Variants in AVPI1 observed in about 807,000 individuals in gnomAD.
The protein encoded by AVPI1 is arginine vasopressin-induced protein 1.
Under a neutral mutation model 11.9 loss-of-function variants are expected in AVPI1, and 9 were observed. The observed-to-expected ratio is 0.76, with a 90% CI of 0.46 to 1.32. The LOEUF (loss-of-function observed/expected upper bound fraction) is 1.32, where lower values mean the gene tolerates loss of function less well. Among genes scored for constraint, AVPI1 ranks in the 40% most tolerant of loss-of-function variants. AVPI1 has a pLI of 0.00. For missense variants in AVPI1, 207 were observed against 195.8 expected, an observed-to-expected ratio of 1.06 and a Z score of -0.34; for synonymous variants, 68 against 78.1, an observed-to-expected ratio of 0.87 and a Z score of 0.68.
At chr10:97,685,641 C>CTA (rs2041725110) in intron 1 of AVPI1, among the ~76,000 whole-genome samples, 1 of 152,210 alleles carries the variant, frequency 6.6e-6, no homozygotes, top group African/African-American at 2.4e-5. Context: ...CCCTGGCCTG[C>CTA]TATCCTATAC....
chr10:97,686,064 C>T (rs963956613), intron 1 of AVPI1, among the ~76,000 whole-genome samples: 5 of 152,138 alleles, frequency 3.3e-5, no homozygotes, highest in Non-Finnish European at 5.9e-5. Context: ...GGGAGGATTG[C>T]TTGAGCCCAG....
At chr10:97,686,719 A>AC (rs2041731625) in intron 1 of AVPI1, 47 bp downstream of exon 1, 1 of 152,120 alleles carries the variant, frequency 6.6e-6, no homozygotes, top group African/African-American at 2.4e-5. Context: ...TAGCCTCTGT[A>AC]CCCTCTGCAC....
At position 97,683,452 on chromosome 10, in the gene AVPI1, C is replaced by G. The variant is rs376169102; in HGVS notation, c.-11+3314G>C. 1.3e-4 allele frequency among the ~76,000 whole-genome samples: 20 copies of G among 152,352 alleles called. No homozygotes were observed. The East Asian group carries it at 3.3e-3, about 25-fold the overall frequency. ...GTGATTACAGGTGTGAGCCACTGCGCCCGGTCAGCCCACGCTTTTAAACCC... is the reference window on the plus strand; with the variant it reads ...GTGATTACAGGTGTGAGCCACTGCGGCCGGTCAGCCCACGCTTTTAAACCC... On this transcript the variant is annotated intron_variant, in intron 1 of 2. Coordinates refer to ENST00000370626, the MANE Select transcript of AVPI1 (RefSeq NM_021732.3).
At chr10:97,679,937 ACAT>A in intron 1 of AVPI1, 22 bp from the exon 2 acceptor site, 2 of 1,517,126 alleles carry the variant, frequency 1.3e-6, no homozygotes, top group Non-Finnish European at 1.8e-6. Flanking sequence ...AAGCATGGAG[ACAT>A]CATCAACTCA....
Position 97,677,541 on chromosome 10 carries a change from T to C in AVPI1, c.*328A>G, listed in dbSNP as rs1285040275. The stretch of plus-strand genomic sequence containing the variant: ...GTTTACAGTAGTAGCAGGTAGATGA[T>C]TAGTAGCATGAGTGGTGAAATGCTG... On this transcript the variant is annotated 3_prime_UTR_variant, in exon 3 of 3. Transcript: ENST00000370626. 4 of 267,378 alleles carry C rather than the reference T, an allele frequency of 1.5e-5. No homozygotes were observed. Among genetic ancestry groups the C allele is most frequent in the Non-Finnish European group, 2.9e-5 (4 of 138,766 alleles). The allele number at this position is 267,378 out of a possible 1,614,324, so 16.6% of individuals were successfully genotyped here. A position where few individuals can be genotyped will look rare whatever the true frequency, so the allele number is the denominator to read the frequency against.
chr10:97,686,647 G>C (rs2041730884), intron 1 of AVPI1, 119 bp downstream of exon 1: 1 of 152,198 alleles, frequency 6.6e-6, no homozygotes. Flanking sequence ...CCTTTCGGAG[G>C]CTATCTGCTT....
chr10:97,681,063 G>A (rs1346485574), intron 1 of AVPI1, among the ~76,000 whole-genome samples: 1 of 152,136 alleles, frequency 6.6e-6, no homozygotes, highest in Non-Finnish European at 1.5e-5. Flanking sequence ...GGAAACAAGG[G>A]AAGCCTGGCA....
intron 2 of AVPI1, 84 bp from the exon 3 acceptor site, chr10:97,678,109 T>C: frequency 8.3e-6 from 12 of 1,445,656 alleles, no homozygotes; most frequent in Non-Finnish European, 9.5e-6. Flanking sequence ...TGGTGGACCA[T>C]AAAACATATG....
chr10:97,679,515 C>G lies in AVPI1; in HGVS notation c.287+104G>C, dbSNP rs899503482. On this transcript the variant is annotated intron_variant, in intron 2 of 2. Transcript: ENST00000370626. ...TATAACCACCCCAATGGTGGGCAGG[C>G]ACTTTACAGTGAGGCCAAGTAACTA... 20 of 1,369,482 alleles carry G rather than the reference C, an allele frequency of 1.5e-5. No individual in the cohort carries two copies. In the East Asian group the frequency reaches 2.0e-4, roughly 14 times the overall value. The allele number at this position is 1,369,482 out of a possible 1,614,324, so 84.8% of individuals were successfully genotyped here. A position where few individuals can be genotyped will look rare whatever the true frequency, so the allele number is the denominator to read the frequency against.
chr10:97,679,961 C>T (rs1478681153), intron 1 of AVPI1, 46 bp from the exon 2 acceptor site: 3 of 1,471,724 alleles, frequency 2.0e-6, no homozygotes, highest in Non-Finnish European at 2.7e-6. Context: ...GCTGGTCCTT[C>T]CCAGACCTGG....
intron 1 of AVPI1, among the ~76,000 whole-genome samples, chr10:97,685,539 G>T (rs1038174384): frequency 6.6e-6 from 1 of 152,160 alleles, no homozygotes; most frequent in Non-Finnish European, 1.5e-5. Context: ...CAATAACCCA[G>T]GTGATAGCAA....
chr10:97,680,238 A>C (rs1164159744), intron 1 of AVPI1, among the ~76,000 whole-genome samples: 1 of 152,210 alleles, frequency 6.6e-6, no homozygotes, highest in Non-Finnish European at 1.5e-5. Context: ...AGGTCTGTCT[A>C]GCTGTAGATT....
At chr10:97,678,929 G>T (rs1589942545) in intron 2 of AVPI1, among the ~76,000 whole-genome samples, 1 of 31,666 alleles carries the variant, frequency 3.2e-5, no homozygotes, top group African/African-American at 1.3e-4. Context: ...GTGTGTGTGT[G>T]TGTGTGTGTG....
In AVPI1 at chr10:97,678,109, T is replaced by TA. The variant is rs942768343; in HGVS notation, c.288-85dup. 5.5e-6 allele frequency: 8 copies of TA among 1,445,538 alleles called. No individual in the cohort carries two copies. In the African/African-American group the frequency reaches 8.5e-5, roughly 15 times the overall value. The allele number at this position is 1,445,538 out of a possible 1,614,324, so 89.5% of individuals were successfully genotyped here. On this transcript the variant is annotated intron_variant, in intron 2 of 2. Transcript: ENST00000370626. ...CAAGAGATTTCGTCATGGTGGACCA[T>TA]AAAACATATGATTTGGAGCAAAATG...
intron 1 of AVPI1, among the ~76,000 whole-genome samples, chr10:97,681,328 A>T (rs907669974): frequency 6.6e-6 from 1 of 152,264 alleles, no homozygotes; most frequent in African/African-American, 2.4e-5. Flanking sequence ...TCACACCTGT[A>T]ATCCCAGCAC....
intron 1 of AVPI1, among the ~76,000 whole-genome samples, chr10:97,681,013 T>TA (rs554022442): frequency 5.3e-4 from 80 of 152,244 alleles, no homozygotes; most frequent in African/African-American, 1.8e-3. Flanking sequence ...AATAAAGGCC[T>TA]AAGAAGCTTA....
chr10:97,678,048 T>A, intron 2 of AVPI1, 23 bp from the exon 3 acceptor site: 2 of 1,605,490 alleles, frequency 1.2e-6, no homozygotes, highest in Non-Finnish European at 1.7e-6. Flanking sequence ...AGTGTATGAT[T>A]AGCCAACATC....
At chr10:97,679,439 A>G (rs1416905290) in intron 2 of AVPI1, among the ~76,000 whole-genome samples, 180 bp downstream of exon 2, 2 of 152,130 alleles carry the variant, frequency 1.3e-5, no homozygotes, top group African/African-American at 4.8e-5. Context: ...CACTGCACCC[A>G]CCAACAGCAA....
chr10:97,684,436 TCCTTGAA>T (rs2041719234), intron 1 of AVPI1, among the ~76,000 whole-genome samples: 1 of 149,774 alleles, frequency 6.7e-6, no homozygotes, highest in Non-Finnish European at 1.5e-5. Flanking sequence ...GCCTCAACCC[TCCTTGAA>T]CCTTAGGGAG....
Sources: allele counts gnomAD v4.1 joint callset (sites outside exome capture counted in the v4.1 genomes callset), GRCh38; gene constraint gnomAD v4.1.1; transcripts MANE v1.5; gene names NCBI Gene and HGNC (gene_info 2026-07-23, HGNC 2026-07-21).